CTSO: variants seen among roughly 807,000 people sequenced by gnomAD.
CTSO encodes the protein cathepsin O.
In CTSO, 40 loss-of-function variants were observed where a neutral mutation model predicts 42.4. The ratio of observed to expected loss-of-function variants is 0.94; its 90% CI spans 0.73 to 1.23. CTSO has a LOEUF of 1.23. CTSO is among the 50% of genes most tolerant of loss of function. The pLI, the probability that CTSO is intolerant of heterozygous loss-of-function variation, is 0.00. For missense variants in CTSO, 441 were observed against 396.0 expected, an observed-to-expected ratio of 1.11 and a Z score of -0.96; for synonymous variants, 156 against 146.2, an observed-to-expected ratio of 1.07 and a Z score of -0.48.
At chr4:155,942,530 T>A in intron 2 of CTSO, 74 bp from the exon 3 acceptor site, 1 of 674,076 alleles carries the variant, frequency 1.5e-6, no homozygotes, top group Non-Finnish European at 2.0e-6. Context: ...ATCATATATA[T>A]TTGTTATATA....
rs78470438 is a variant in CTSO, at chr4:155,946,498, T to C, written c.136-3234A>G. 6.4e-3 allele frequency among the ~76,000 whole-genome samples: 969 copies of C among 152,314 alleles called. 9 individuals carry two copies. The highest frequency in any genetic ancestry group is 0.023 in the African/African-American group (937 of 41,556). The stretch of plus-strand genomic sequence containing the variant: ...AAAGACAAATATCTCCACATATATT[T>C]TCTATTTGTTACCACTTGATACACT... On this transcript the variant is annotated intron_variant, in intron 1 of 7. Coordinates refer to ENST00000433477, the MANE Select transcript of CTSO (RefSeq NM_001334.3).
At position 155,942,427 on chromosome 4, in the gene CTSO, A is replaced by C; in HGVS notation, c.274T>G (p.Phe92Val). The C allele has an allele frequency of 6.4e-7, 1 of 1,555,252 alleles. No homozygotes were observed. Among genetic ancestry groups the C allele is most frequent in the Non-Finnish European group, 8.7e-7 (1 of 1,152,090 alleles). Residue 92 changes from phenylalanine (F) to valine (V), a missense_variant, in exon 3 of 8, where the codon TTT becomes GTT. Transcript: ENST00000433477. ...TGTACTTCTGCTGAGTATCTGGGAAACTTGGAAGGTTTGCTTCTTAAATAA... is the reference window on the plus strand; with the variant it reads ...TGTACTTCTGCTGAGTATCTGGGAACCTTGGAAGGTTTGCTTCTTAAATAA... ...AIYLRSKPSK[F>V]PRYSAEVHMS...
In CTSO at chr4:155,929,569, C is replaced by G. The variant is rs765609768; in HGVS notation, c.811G>C (p.Val271Leu). The G allele has an allele frequency of 1.9e-6, 3 of 1,613,574 alleles. No homozygotes were observed. Among genetic ancestry groups the G allele is most frequent in the Non-Finnish European group, 2.5e-6 (3 of 1,179,876 alleles). ...GTTTTATCAAACCCAGTTATGAGAA[C>G]TGCATGATTTGCTTCTCCACTAGAG... ...HCSSGEANHA[V>L]LITGFDKTGS... Residue 271 changes from valine to leucine, a missense_variant, in exon 6 of 8, where the codon GTT (valine) becomes CTT (leucine). Coordinates refer to ENST00000433477, the MANE Select transcript of CTSO (RefSeq NM_001334.3).
At chr4:155,941,408 C>T (rs1028870669) in intron 3 of CTSO, among the ~76,000 whole-genome samples, 1 of 152,202 alleles carries the variant, frequency 6.6e-6, no homozygotes, top group African/African-American at 2.4e-5. Flanking sequence ...CCCACATCTG[C>T]TCTTACCACT....
intron 5 of CTSO, among the ~76,000 whole-genome samples, chr4:155,935,398 T>C (rs1303257711): frequency 1.2e-4 from 19 of 152,058 alleles, no homozygotes; most frequent in Admixed American, 1.2e-3. Context: ...CCACAGTGGC[T>C]TCATCATTGT....
At chr4:155,930,439 A>G (rs1313369552) in intron 5 of CTSO, among the ~76,000 whole-genome samples, 2 of 152,212 alleles carry the variant, frequency 1.3e-5, no homozygotes, top group Non-Finnish European at 1.5e-5. Context: ...AAAATACACA[A>G]TTATTGTTTT....
chr4:155,934,644 A>G (rs1051156467), intron 5 of CTSO, among the ~76,000 whole-genome samples: 1 of 152,196 alleles, frequency 6.6e-6, no homozygotes, highest in Admixed American at 6.5e-5. Context: ...TGAGATCTGG[A>G]GTCAAAGGAG....
intron 2 of CTSO, 121 bp from the exon 3 acceptor site, chr4:155,942,577 A>T: frequency 3.0e-6 from 1 of 336,906 alleles, no homozygotes; most frequent in Non-Finnish European, 4.6e-6. Flanking sequence ...GGAGACAACC[A>T]ATATTATACT....
At chr4:155,942,552 AATATT>A in intron 2 of CTSO, 96 bp from the exon 3 acceptor site, 3 of 496,310 alleles carry the variant, frequency 6.0e-6, no homozygotes, top group East Asian at 6.7e-5. Flanking sequence ...AAAGACAATC[AATATT>A]ATATTATAGG....
At chr4:155,938,173 G>A (rs759995520) in intron 4 of CTSO, among the ~76,000 whole-genome samples, 8 of 152,060 alleles carry the variant, frequency 5.3e-5, no homozygotes, top group South Asian at 2.1e-4. Flanking sequence ...CACAGGCAAC[G>A]GTTAGGTCAA....
intron 1 of CTSO, among the ~76,000 whole-genome samples, chr4:155,947,096 G>A (rs1421486240): frequency 2.0e-5 from 3 of 152,056 alleles, no homozygotes; most frequent in Non-Finnish European, 2.9e-5. Context: ...TCCTGACCTC[G>A]TGGTCTGCCC....
chr4:155,947,392 A>G (rs1444159774), intron 1 of CTSO, among the ~76,000 whole-genome samples: 1 of 152,226 alleles, frequency 6.6e-6, no homozygotes, highest in Non-Finnish European at 1.5e-5. Context: ...TAAACAGAGT[A>G]TTTGGATTAT....
intron 3 of CTSO, among the ~76,000 whole-genome samples, chr4:155,940,395 CA>C (rs34503036): frequency 5.0e-4 from 73 of 145,150 alleles, no homozygotes; most frequent in Middle Eastern, 3.6e-3. Flanking sequence ...AGAGTTAGAC[CA>C]AAAAAAAAAA....
intron 1 of CTSO, among the ~76,000 whole-genome samples, chr4:155,945,253 A>T (rs1420929678): frequency 4.6e-5 from 7 of 151,922 alleles, no homozygotes; most frequent in Admixed American, 1.3e-4. Flanking sequence ...CGAGCCTCCA[A>T]CTCAAAAAAA....
At chr4:155,935,560 C>A (rs1019483879) in intron 5 of CTSO, among the ~76,000 whole-genome samples, 1 of 152,042 alleles carries the variant, frequency 6.6e-6, no homozygotes, top group African/African-American at 2.4e-5. Flanking sequence ...TGAGGCCCTG[C>A]CAGGCAACCC....
intron 4 of CTSO, among the ~76,000 whole-genome samples, chr4:155,937,973 C>G (rs565892623): frequency 7.2e-5 from 11 of 152,216 alleles, no homozygotes; most frequent in Non-Finnish European, 1.3e-4. Context: ...TCTGGATAGT[C>G]TAGACATTTG....
chr4:155,953,633 G>T lies in CTSO; in HGVS notation c.135+80C>A, dbSNP rs902919703. ...TGCCCACGAGCAGGGTCAGCTCTCG[G>T]GGGCCCTCTTCCGCAGCCCAGACCC... On this transcript the variant is annotated intron_variant, in intron 1 of 7. Coordinates refer to ENST00000433477, the MANE Select transcript of CTSO (RefSeq NM_001334.3). The T allele has an allele frequency of 5.7e-6, 7 of 1,226,356 alleles. No homozygotes were observed. The South Asian group carries it at 2.5e-4, about 43-fold the overall frequency. 76.0% of individuals were successfully genotyped at this position (1,226,356 alleles called of 1,614,324 possible).
intron 1 of CTSO, 57 bp downstream of exon 1, chr4:155,953,656 C>T: frequency 8.1e-7 from 1 of 1,234,216 alleles, no homozygotes; most frequent in Non-Finnish European, 1.0e-6. Context: ...GCAGCCCAGA[C>T]CCGGGACAGG....
intron 5 of CTSO, among the ~76,000 whole-genome samples, chr4:155,934,876 T>C (rs1327473161): frequency 6.6e-6 from 1 of 152,192 alleles, no homozygotes; most frequent in East Asian, 1.9e-4. Flanking sequence ...GACTGTGGAC[T>C]TTCGGGTTAA....
Sources: gnomAD v4.1 joint callset for allele counts (sites outside exome capture counted in the v4.1 genomes callset) on GRCh38, gnomAD v4.1.1 for gene constraint, MANE v1.5 for transcripts, NCBI Gene and HGNC (gene_info 2026-07-23, HGNC 2026-07-21) for gene names.